ZNF93: variants seen among roughly 807,000 people sequenced by gnomAD.
ZNF93 encodes zinc finger protein 505.
In ZNF93, 29 loss-of-function variants were observed where a neutral mutation model predicts 45.0. The observed-to-expected ratio is 0.64, with a 90% CI of 0.48 to 0.88. ZNF93 has a LOEUF of 0.88. Among genes scored for constraint, ZNF93 ranks in the 40% least tolerant of loss-of-function variants. ZNF93 has a pLI of 0.00. For synonymous variants in ZNF93, 223 were observed against 244.6 expected (o/e 0.91, Z 0.82); for missense variants, 578 against 724.0 (o/e 0.80, Z 2.31).
intron 1 of ZNF93, among the ~76,000 whole-genome samples, chr19:19,903,038 C>T (rs1406020568): frequency 6.6e-6 from 1 of 152,120 alleles, no homozygotes; most frequent in Non-Finnish European, 1.5e-5. Context: ...CGCGCCCGGC[C>T]TTTGGGAGGA....
intron 1 of ZNF93, among the ~76,000 whole-genome samples, chr19:19,906,437 C>T (rs1435330179): frequency 6.6e-6 from 1 of 152,068 alleles, no homozygotes; most frequent in African/African-American, 2.4e-5. Context: ...GGATATTAGA[C>T]CTTTGTCAGA....
intron 3 of ZNF93, among the ~76,000 whole-genome samples, chr19:19,929,788 A>T (rs2063367165): frequency 6.6e-6 from 1 of 151,134 alleles, no homozygotes; most frequent in African/African-American, 2.4e-5. Flanking sequence ...AATACAAAAA[A>T]TTAGCCGGGC....
chr19:19,911,032 C>T (rs180727050), intron 1 of ZNF93, among the ~76,000 whole-genome samples: 2 of 152,278 alleles, frequency 1.3e-5, no homozygotes, highest in South Asian at 2.1e-4. Flanking sequence ...TGTAAATAAG[C>T]ATCTTAGGAG....
chr19:19,927,238 A>C (rs904925992), intron 3 of ZNF93: 32 of 398,358 alleles, frequency 8.0e-5, no homozygotes, highest in Non-Finnish European at 1.4e-4. Context: ...CTATGAAAAA[A>C]ATTTAATAAT....
intron 1 of ZNF93, among the ~76,000 whole-genome samples, chr19:19,914,509 A>G (rs1431395410): frequency 2.0e-5 from 3 of 152,190 alleles, no homozygotes; most frequent in Non-Finnish European, 4.4e-5. Context: ...TTAACACATC[A>G]GAAAAATTTG....
chr19:19,914,486 T>C lies in ZNF93; in HGVS notation c.4-794T>C, dbSNP rs928057130. On this transcript the variant is annotated intron_variant, in intron 1 of 3. Coordinates refer to ENST00000343769, the MANE Select transcript of ZNF93 (RefSeq NM_031218.4). The stretch of plus-strand genomic sequence containing the variant: ...GAGGAATATTTCAACAGTGATACTG[T>C]GTTCTGTGTGCATTAACACATCAGA... 5.3e-5 allele frequency among the ~76,000 whole-genome samples: 8 copies of C among 152,228 alleles called. 1 individual carries two copies. Among genetic ancestry groups the C allele is most frequent in the African/African-American group, 1.9e-4 (8 of 41,454 alleles).
chr19:19,930,015 G>A (rs892813084), intron 3 of ZNF93, among the ~76,000 whole-genome samples: 3 of 151,518 alleles, frequency 2.0e-5, no homozygotes, highest in East Asian at 1.9e-4. Context: ...AGCTGGGCCC[G>A]GGGGACCACT....
At chr19:19,916,697 G>A in intron 3 of ZNF93, 42 bp downstream of exon 3, 1 of 1,461,562 alleles carries the variant, frequency 6.8e-7, no homozygotes, top group South Asian at 1.2e-5. Context: ...AACACAGTAA[G>A]AGGTCCCAAG....
chr19:19,915,551 TAGAAAAGAATTTCTTC>T, intron 2 of ZNF93, 145 bp downstream of exon 2: 1 of 1,227,158 alleles, frequency 8.1e-7, no homozygotes, highest in Admixed American at 2.9e-5. Flanking sequence ...TTTGTTCATT[TAGAAAAGAATTTCTTC>T]AGTGCCTCTT....
chr19:19,909,449 T>A (rs1440611994), intron 1 of ZNF93: 3 of 152,240 alleles, frequency 2.0e-5, no homozygotes, highest in African/African-American at 7.2e-5. Context: ...TGTGAAAAGT[T>A]TATTTGTCAT....
chr19:19,913,391 T>G (rs1411307548), intron 1 of ZNF93, among the ~76,000 whole-genome samples: 1 of 152,146 alleles, frequency 6.6e-6, no homozygotes, highest in Non-Finnish European at 1.5e-5. Context: ...TTTAATGAAG[T>G]GCCTCATGTG....
intron 1 of ZNF93, among the ~76,000 whole-genome samples, chr19:19,912,713 T>A (rs1241881996): frequency 2.7e-5 from 4 of 149,832 alleles, no homozygotes; most frequent in Non-Finnish European, 5.9e-5. Context: ...TTTTAAAAAA[T>A]TTGATGACAG....
chr19:19,930,729 G>T (rs552945954), intron 3 of ZNF93, among the ~76,000 whole-genome samples: 2 of 151,998 alleles, frequency 1.3e-5, no homozygotes, highest in Admixed American at 1.3e-4. Flanking sequence ...TATAGATCGA[G>T]GATTATTATA....
At chr19:19,920,553 A>G (rs1002558190) in intron 3 of ZNF93, among the ~76,000 whole-genome samples, 1 of 152,190 alleles carries the variant, frequency 6.6e-6, no homozygotes, top group African/African-American at 2.4e-5. Flanking sequence ...CTCTGGTAGA[A>G]TTCAGCTGTG....
chr19:19,927,937 G>A lies in ZNF93; in HGVS notation c.227-5245G>A, dbSNP rs548718306. ...TAATTTTTATATTTTTAGTAGAGAT[G>A]GTGTTTTACCATGTTGGCCAGGCTA... On this transcript the variant is annotated intron_variant, in intron 3 of 3. Coordinates refer to ENST00000343769, the MANE Select transcript of ZNF93 (RefSeq NM_031218.4). Among the ~76,000 whole-genome samples, 77 of 152,160 alleles carry A rather than the reference G, an allele frequency of 5.1e-4. 1 individual carries two copies. Among genetic ancestry groups the A allele is most frequent in the African/African-American group, 1.8e-3 (74 of 41,518 alleles).
chr19:19,901,573 G>A lies in ZNF93; in HGVS notation c.3+482G>A, dbSNP rs182256906. On this transcript the variant is annotated intron_variant, in intron 1 of 3. Coordinates refer to ENST00000343769, the MANE Select transcript of ZNF93 (RefSeq NM_031218.4). ...GCGGATCACTTGAGGAGTTGTTAGGGCAGCTAAGTTCCTCTTCAGAGACTC... is the reference window on the plus strand; with the variant it reads ...GCGGATCACTTGAGGAGTTGTTAGGACAGCTAAGTTCCTCTTCAGAGACTC... 3.4e-3 allele frequency among the ~76,000 whole-genome samples: 521 copies of A among 152,234 alleles called. 15 individuals carry two copies. Among genetic ancestry groups the A allele is most frequent in the Non-Finnish European group, 7.5e-4 (51 of 68,012 alleles).
At chr19:19,910,078 CAT>C (rs141091787) in intron 1 of ZNF93, among the ~76,000 whole-genome samples, 22,948 of 152,152 alleles carry the variant, frequency 0.15, 2,018 homozygotes, top group East Asian at 0.41. Flanking sequence ...GCTGAGTAGA[CAT>C]AGAGACATGA....
chr19:19,909,422 A>G (rs1399314174), intron 1 of ZNF93: 2 of 152,256 alleles, frequency 1.3e-5, no homozygotes, highest in Non-Finnish European at 2.9e-5. Flanking sequence ...CTGCTAAACC[A>G]ACTCCTGTTA....
rs369802065 is a variant in ZNF93 at position 19,934,203 on chromosome 19, G to C, written c.1248G>C (p.Lys416Asn). 2.5e-6 allele frequency: 4 copies of C among 1,612,040 alleles called. No individual in the cohort carries two copies. In the African/African-American group the frequency reaches 5.3e-5, roughly 22 times the overall value. The stretch of plus-strand genomic sequence containing the variant: ...ACTCCTCTACCCTTAGTTCACATAA[G>C]AGAAGTCATACTGGAGAGAAACCCT... The part of the protein sequence containing the change: ...FKYSSTLSSH[K>N]RSHTGEKPYK... The change falls in exon 4 of 4, where the codon AAG (lysine) becomes AAC (asparagine). Residue 416 changes from lysine (K) to asparagine (N), a missense_variant. By Grantham distance (94) the Lys-to-Asn change is moderately conservative. Transcript: ENST00000343769.
Sources: gnomAD v4.1 joint callset for allele counts (sites outside exome capture counted in the v4.1 genomes callset) on GRCh38, gnomAD v4.1.1 for gene constraint, MANE v1.5 for transcripts, NCBI Gene and HGNC (gene_info 2026-07-23, HGNC 2026-07-21) for gene names.